CHAF1A: variants seen among roughly 807,000 people sequenced by gnomAD.
CHAF1A encodes chromatin assembly factor 1 subunit A, also known as CAF-1 subunit A.
Under a neutral mutation model 93.2 loss-of-function variants are expected in CHAF1A, and 5 were observed. That is an observed-to-expected ratio of 0.05 (90% CI 0.03 to 0.11). The LOEUF is 0.11. CHAF1A is among the 10% of genes least tolerant of loss of function. The probability of loss-of-function intolerance (pLI) is 1.00; values close to 1 mark genes in which losing one functional copy is unlikely to be tolerated. For synonymous variants in CHAF1A, 504 were observed against 510.3 expected, an observed-to-expected ratio of 0.99 and a Z score of 0.17; for missense variants, 1,102 against 1,259.9, an observed-to-expected ratio of 0.87 and a Z score of 1.90.
rs1974422737 is a variant in CHAF1A at position 4,442,969 on chromosome 19, G to A, written c.2815G>A (p.Val939Met). Residue 939 changes from valine (V) to methionine (M), a missense_variant, in exon 15 of 15, where the codon GTG becomes ATG. Around this residue, in one of 6 missense-constraint regions of CHAF1A, gnomAD observed 119 missense variants for 102.2 expected, o/e 1.16. Coordinates refer to ENST00000301280, the MANE Select transcript of CHAF1A (RefSeq NM_005483.3). ...AGCCGCTTCCGGAGCTGGGGGTGGT[G>A]TGGGGGTGGACACCGGCAAGGCCAC... Reference protein sequence around the residue: ...CGAASGAGGGVGVDTGKATLT... With the variant: ...CGAASGAGGGMGVDTGKATLT... 2.5e-6 allele frequency: 4 copies of A among 1,605,086 alleles called. No individual in the cohort carries two copies. Among genetic ancestry groups the A allele is most frequent in the Non-Finnish European group, 3.4e-6 (4 of 1,176,614 alleles).
chr19:4,438,478 C>T (rs887804304), intron 13 of CHAF1A, among the ~76,000 whole-genome samples: 5 of 150,832 alleles, frequency 3.3e-5, no homozygotes, highest in Non-Finnish European at 5.9e-5. Context: ...GGATTACAGA[C>T]CTGAGCCAGG....
At chr19:4,404,290 CTGGAT>C (rs951067845) in intron 1 of CHAF1A, among the ~76,000 whole-genome samples, 2 of 152,168 alleles carry the variant, frequency 1.3e-5, no homozygotes, top group African/African-American at 4.8e-5. Context: ...CTTTGGATCT[CTGGAT>C]TGGGAGTGTC....
intron 4 of CHAF1A, among the ~76,000 whole-genome samples, chr19:4,421,307 C>G (rs1264056555): frequency 6.6e-6 from 1 of 151,976 alleles, no homozygotes; most frequent in Non-Finnish European, 1.5e-5. Context: ...CTTCTGGCCT[C>G]AAGCAATTTG....
chr19:4,445,638 G>C, downstream of CHAF1A: 1 of 1,610,684 alleles, frequency 6.2e-7, no homozygotes, highest in South Asian at 1.1e-5. Flanking sequence ...GGTAGGGGTA[G>C]GCCGTCACTC....
intron 3 of CHAF1A, 119 bp downstream of exon 3, chr19:4,409,878 C>T: frequency 8.5e-7 from 1 of 1,173,394 alleles, no homozygotes; most frequent in South Asian, 1.5e-5. Context: ...GGGCTGGGTC[C>T]TGGGACTCGA....
Position 4,429,604 on chromosome 19 carries a change from A to C in CHAF1A, c.1771A>C (p.Thr591Pro), listed in dbSNP as rs1277201693. The C allele has an allele frequency of 6.2e-7, 1 of 1,613,996 alleles. No individual in the cohort carries two copies. Among genetic ancestry groups the C allele is most frequent in the Non-Finnish European group, 8.5e-7 (1 of 1,180,012 alleles). The change falls in exon 9 of 15, where the codon ACG becomes CCG. Residue 591 changes from threonine to proline, a missense_variant and splice_region_variant. Transcript: ENST00000301280. ...IRARDPWAQD[T>P]KLLDYEVDSD... ...CGCGCGAGACCCCTGGGCCCAGGAC[A>C]CGGTGAGCTAGCCCCAGAGTGCCTC... is the stretch of plus-strand genomic sequence containing the variant.
downstream of CHAF1A, chr19:4,446,512 T>C (rs1161206399): frequency 3.1e-6 from 5 of 1,609,286 alleles, no homozygotes; most frequent in Admixed American, 8.3e-5. Flanking sequence ...GAGCCTCTGC[T>C]CCCGCTTGAT....
chr19:4,443,210 C>T lies in CHAF1A; in HGVS notation c.*185C>T. On this transcript the variant is annotated 3_prime_UTR_variant, in exon 15 of 15. Coordinates refer to ENST00000301280, the MANE Select transcript of CHAF1A (RefSeq NM_005483.3). ...TTTGTAAAAATTCCCCCAAGAGCCG[C>T]ATATGAATCTGCCCTTTAATAAAGC... 1.6e-6 allele frequency: 1 copy of T among 615,588 alleles called. No individual in the cohort carries two copies. Among genetic ancestry groups the T allele is most frequent in the Non-Finnish European group, 3.0e-6 (1 of 336,370 alleles). 38.1% of individuals were successfully genotyped at this position (615,588 alleles called of 1,614,324 possible).
At position 4,443,155 on chromosome 19, in the gene CHAF1A, A is replaced by G. The variant is rs1419280528; in HGVS notation, c.*130A>G. 2 of 714,192 alleles carry G rather than the reference A, an allele frequency of 2.8e-6. No individual in the cohort carries two copies. Among genetic ancestry groups the G allele is most frequent in the East Asian group, 2.7e-5 (1 of 36,840 alleles). 44.2% of individuals were successfully genotyped at this position (714,192 alleles called of 1,614,324 possible). ...ACCTCCCCAAAGTGTGCAGAGTTCT[A>G]TATAGGATGCTGGATTAGTTCCTTT... On this transcript the variant is annotated 3_prime_UTR_variant, in exon 15 of 15. Transcript: ENST00000301280.
At chr19:4,439,254 C>T (rs1974342836) in intron 13 of CHAF1A, among the ~76,000 whole-genome samples, 1 of 151,568 alleles carries the variant, frequency 6.6e-6, no homozygotes, top group South Asian at 2.1e-4. Context: ...GCACTCCAGC[C>T]TGGGCAACAG....
intron 9 of CHAF1A, 34 bp downstream of exon 9, chr19:4,429,640 C>T: frequency 1.2e-6 from 2 of 1,614,066 alleles, no homozygotes; most frequent in Non-Finnish European, 1.7e-6. Context: ...CGTCCCCGTA[C>T]CTCCTCACTG....
At chr19:4,413,136 G>C (rs951783620) in intron 3 of CHAF1A, among the ~76,000 whole-genome samples, 15 of 152,202 alleles carry the variant, frequency 9.9e-5, no homozygotes, top group Middle Eastern at 3.4e-3. Context: ...GCAATGGCGT[G>C]ATCTTGGCTC....
rs1974231710 is a variant in CHAF1A, at chr19:4,433,637, G to A, written c.2673+98G>A. ...TTTTTTCGAGATGGAGTCCTGCTCT[G>A]TCACCCAGGCTGGAGTGCAGTGGCG... is the stretch of plus-strand genomic sequence containing the variant. On this transcript the variant is annotated intron_variant, in intron 13 of 14. Coordinates refer to ENST00000301280, the MANE Select transcript of CHAF1A (RefSeq NM_005483.3). This position sits in a 1 kb window ranked among gnomAD's most constrained non-coding sequence, Gnocchi z 5.6. The A allele has an allele frequency of 1.0e-6, 1 of 997,020 alleles. No individual in the cohort carries two copies. Among genetic ancestry groups the A allele is most frequent in the African/African-American group, 1.6e-5 (1 of 60,944 alleles). The allele number at this position is 997,020 out of a possible 1,614,324, so 61.8% of individuals were successfully genotyped here.
chr19:4,438,066 C>G (rs1396794848), intron 13 of CHAF1A, among the ~76,000 whole-genome samples: 2 of 152,064 alleles, frequency 1.3e-5, no homozygotes, highest in African/African-American at 4.8e-5. Flanking sequence ...AAATTAGAAA[C>G]AGGGTCTTGC....
rs750156702 is a variant in CHAF1A, at chr19:4,409,678, C to T, written c.879C>T (p.Thr293=). 4 of 1,614,174 alleles carry T rather than the reference C, an allele frequency of 2.5e-6. No homozygotes were observed. Among genetic ancestry groups the T allele is most frequent in the Non-Finnish European group, 3.4e-6 (4 of 1,180,034 alleles). The change falls in exon 3 of 15, where the codon ACC becomes ACT. Residue 293 remains threonine (T), a synonymous_variant. Transcript: ENST00000301280. ...SHSSLSSPSS[T]SSPEGPPAPP... ...CGTCCCTGAGCTCTCCCTCTTCCAC[C>T]AGCTCGCCCGAGGGGCCGCCTGCTC...
At chr19:4,408,849 G>A (rs1973734574) in intron 2 of CHAF1A, 54 bp from the exon 3 acceptor site, 1 of 1,541,718 alleles carries the variant, frequency 6.5e-7, no homozygotes, top group South Asian at 1.3e-5. Context: ...TCAAGCTCAT[G>A]AGTGGTTGTA....
chr19:4,424,738 G>T (rs1974050534), intron 7 of CHAF1A, among the ~76,000 whole-genome samples: 1 of 152,178 alleles, frequency 6.6e-6, no homozygotes, highest in Non-Finnish European at 1.5e-5. Flanking sequence ...GGGTTCCAGT[G>T]ATTCTTCTGT....
chr19:4,440,529 A>G (rs1974367056), intron 13 of CHAF1A, among the ~76,000 whole-genome samples: 1 of 151,948 alleles, frequency 6.6e-6, no homozygotes. Context: ...GAATGGTGTG[A>G]ACCCAGGAAG....
chr19:4,425,748 A>C (rs1236876670), intron 7 of CHAF1A, among the ~76,000 whole-genome samples: 1 of 152,168 alleles, frequency 6.6e-6, no homozygotes, highest in Admixed American at 6.6e-5. Context: ...GCATGAGTTC[A>C]CCTCTAGGAC....
Sources: gnomAD v4.1 joint callset for allele counts (sites outside exome capture counted in the v4.1 genomes callset) on GRCh38, gnomAD v4.1.1 for gene constraint, gnomAD v4.1.1 regional missense constraint, Gnocchi (gnomAD v3.1) non-coding constraint, MANE v1.5 for transcripts, NCBI Gene and HGNC (gene_info 2026-07-23, HGNC 2026-07-21) for gene names.